GALNTL6: variants seen among roughly 807,000 people sequenced by gnomAD.
GALNTL6 encodes the protein polypeptide N-acetylgalactosaminyltransferase-like 6.
A neutral mutation model predicts 73.7 loss-of-function variants in GALNTL6; 46 were observed. That is an observed-to-expected ratio of 0.62 (90% CI 0.49 to 0.80). The LOEUF (loss-of-function observed/expected upper bound fraction) is 0.80. GALNTL6 is among the 30% of genes least tolerant of loss of function. The probability of loss-of-function intolerance (pLI) is 0.00; values close to 1 mark genes in which losing one functional copy is unlikely to be tolerated. For missense variants in GALNTL6, 604 were observed against 755.0 expected (o/e 0.80, Z 2.34); for synonymous variants, 259 against 263.7 (o/e 0.98, Z 0.17).
At chr4:171,835,958 A>G (rs2110833491) in intron 2 of GALNTL6, among the ~76,000 whole-genome samples, 1 of 152,246 alleles carries the variant, frequency 6.6e-6, no homozygotes, top group African/African-American at 2.4e-5. Flanking sequence ...TAGTTGAACG[A>G]GGTAGAAAAA....
chr4:172,827,746 T>C (rs1742343152), intron 7 of GALNTL6, among the ~76,000 whole-genome samples: 1 of 152,124 alleles, frequency 6.6e-6, no homozygotes, highest in Non-Finnish European at 1.5e-5. Context: ...TGCACTGCCT[T>C]CCTCTAAAGC....
chr4:173,009,088 A>G, intron 10 of GALNTL6, 90 bp from the exon 11 acceptor site: 1 of 825,918 alleles, frequency 1.2e-6, no homozygotes, highest in South Asian at 1.5e-5. Flanking sequence ...AAGATAATCT[A>G]TGTCTTACTT....
At position 171,990,555 on chromosome 4, in the gene GALNTL6, C is replaced by A. The variant is rs555530607; in HGVS notation, c.138+175837C>A. Among the ~76,000 whole-genome samples the A allele has an allele frequency of 3.9e-5, 6 of 152,236 alleles. No homozygotes were observed. The East Asian group carries it at 1.2e-3, about 29-fold the overall frequency. ...AAAAAGAGAAAGTGACCCTAATTGT[C>A]TGAAGTGTTTAGTTCATCCTTGCAT... On this transcript the variant is annotated intron_variant, in intron 2 of 12. Coordinates refer to ENST00000506823, the MANE Select transcript of GALNTL6 (RefSeq NM_001034845.3).
chr4:172,719,068 C>T (rs916057560), intron 5 of GALNTL6, among the ~76,000 whole-genome samples: 4 of 152,104 alleles, frequency 2.6e-5, no homozygotes, highest in Non-Finnish European at 5.9e-5. Context: ...GACATCAAAA[C>T]GAGTTACCCT....
intron 2 of GALNTL6, among the ~76,000 whole-genome samples, chr4:172,022,568 G>T (rs891628331): frequency 2.0e-5 from 3 of 151,778 alleles, no homozygotes; most frequent in Non-Finnish European, 4.4e-5. Context: ...TTAATCTCTG[G>T]TGCCTGGTAT....
intron 2 of GALNTL6, among the ~76,000 whole-genome samples, chr4:171,819,777 C>T (rs145929954): frequency 3.9e-5 from 6 of 152,194 alleles, no homozygotes; most frequent in Non-Finnish European, 5.9e-5. Context: ...AGATATGTTT[C>T]GTGCATCATG....
chr4:172,023,632 T>A (rs1486615101), intron 2 of GALNTL6, among the ~76,000 whole-genome samples: 7 of 151,940 alleles, frequency 4.6e-5, no homozygotes, highest in Non-Finnish European at 7.4e-5. Flanking sequence ...ATTTTTAAAT[T>A]CATCTCTAGA....
At chr4:172,701,227 T>C (rs1461894764) in intron 5 of GALNTL6, among the ~76,000 whole-genome samples, 1 of 152,116 alleles carries the variant, frequency 6.6e-6, no homozygotes, top group Admixed American at 6.6e-5. Flanking sequence ...CATTAGAACA[T>C]AGTTCGGTGA....
chr4:172,871,344 T>C (rs1744918591), intron 7 of GALNTL6, among the ~76,000 whole-genome samples: 1 of 152,180 alleles, frequency 6.6e-6, no homozygotes, highest in African/African-American at 2.4e-5. Flanking sequence ...CTGTGAGTGA[T>C]GAATGTGCCC....
chr4:172,314,781 T>C (rs1167865321), intron 4 of GALNTL6, among the ~76,000 whole-genome samples: 1 of 151,918 alleles, frequency 6.6e-6, no homozygotes, highest in Non-Finnish European at 1.5e-5. Flanking sequence ...CTAAATTTTT[T>C]GTATTTTTAG....
At chr4:172,155,662 T>C (rs527301540) in intron 2 of GALNTL6, among the ~76,000 whole-genome samples, 1 of 152,222 alleles carries the variant, frequency 6.6e-6, no homozygotes, top group Non-Finnish European at 1.5e-5. Flanking sequence ...TGTTTAAGTA[T>C]ATTTTAATGT....
chr4:172,929,075 T>A (rs540763307), intron 8 of GALNTL6, among the ~76,000 whole-genome samples: 2 of 152,214 alleles, frequency 1.3e-5, no homozygotes, highest in South Asian at 4.1e-4. Context: ...TTCCATATGT[T>A]GATAATGTAG....
rs536632484 is a variant in GALNTL6, at chr4:172,882,692, C to T, written c.924-98C>T. On this transcript the variant is annotated intron_variant, in intron 7 of 12. Transcript: ENST00000506823. The stretch of plus-strand genomic sequence containing the variant: ...GTGCTGAAAAGTTCCACACAGCTGA[C>T]CACTAAAACATATCTTGAATTTTAC... 484 of 811,456 alleles carry T rather than the reference C, an allele frequency of 6.0e-4. 1 individual carries two copies. The highest frequency in any genetic ancestry group is 1.2e-3 in the Middle Eastern group (5 of 4,308). The allele number at this position is 811,456 out of a possible 1,614,324, so 50.3% of individuals were successfully genotyped here. A position where few individuals can be genotyped will look rare whatever the true frequency, so the allele number is the denominator to read the frequency against.
intron 5 of GALNTL6, among the ~76,000 whole-genome samples, chr4:172,651,144 C>G (rs1396067448): frequency 6.6e-6 from 1 of 152,186 alleles, no homozygotes; most frequent in Non-Finnish European, 1.5e-5. Flanking sequence ...TGTCCATCCA[C>G]TGGATTCCAG....
chr4:171,881,152 C>T (rs921199000), intron 2 of GALNTL6, among the ~76,000 whole-genome samples: 1 of 152,180 alleles, frequency 6.6e-6, no homozygotes, highest in Non-Finnish European at 1.5e-5. Flanking sequence ...GTAGAGATTT[C>T]TGCGGAATAA....
intron 9 of GALNTL6, among the ~76,000 whole-genome samples, chr4:172,937,811 C>A (rs1748699451): frequency 6.6e-6 from 1 of 152,090 alleles, no homozygotes; most frequent in South Asian, 2.1e-4. Flanking sequence ...GGAATGAAAT[C>A]TGTATCTTAT....
At chr4:172,447,728 C>A (rs1365432545) in intron 5 of GALNTL6, among the ~76,000 whole-genome samples, 1 of 152,082 alleles carries the variant, frequency 6.6e-6, no homozygotes, top group Non-Finnish European at 1.5e-5. Flanking sequence ...ATAGATATTT[C>A]TTTATAAAGA....
chr4:172,207,538 T>A (rs1445765128), intron 2 of GALNTL6, among the ~76,000 whole-genome samples: 1 of 152,162 alleles, frequency 6.6e-6, no homozygotes. Flanking sequence ...TTTAAATAAA[T>A]AGATAAACTT....
chr4:172,145,034 T>C (rs1392848398), intron 2 of GALNTL6, among the ~76,000 whole-genome samples: 1 of 152,158 alleles, frequency 6.6e-6, no homozygotes, highest in Non-Finnish European at 1.5e-5. Flanking sequence ...CATGGCTCAC[T>C]GCAGTCTCAA....
Sources: allele counts gnomAD v4.1 joint callset (sites outside exome capture counted in the v4.1 genomes callset), GRCh38; gene constraint gnomAD v4.1.1; transcripts MANE v1.5; gene names NCBI Gene and HGNC (gene_info 2026-07-23, HGNC 2026-07-21).